The following LRRTM3 variants were observed in gnomAD, a reference collection of about 807,000 sequenced individuals.
The protein encoded by LRRTM3 is leucine rich repeat transmembrane neuronal 3.
A neutral mutation model predicts 44.7 loss-of-function variants in LRRTM3; 24 were observed. The ratio of observed to expected loss-of-function variants is 0.54; its 90% CI spans 0.39 to 0.76. The LOEUF is 0.76. Ranked by LOEUF, LRRTM3 falls within the 30% of genes least tolerant of loss-of-function variation. The pLI, the probability that LRRTM3 is intolerant of heterozygous loss-of-function variation, is 0.00. For synonymous variants in LRRTM3, 277 were observed against 278.7 expected (o/e 0.99, Z 0.06); for missense variants, 587 against 702.2 (o/e 0.84, Z 1.85).
intron 2 of LRRTM3, among the ~76,000 whole-genome samples, chr10:67,071,582 T>C (rs188015168): frequency 3.3e-5 from 5 of 152,222 alleles, no homozygotes; most frequent in Non-Finnish European, 7.4e-5. Flanking sequence ...GAAATGTCCC[T>C]ATGAATGTTT....
chr10:66,979,022 T>C (rs1850253124), intron 2 of LRRTM3, among the ~76,000 whole-genome samples: 2 of 142,800 alleles, frequency 1.4e-5, no homozygotes, highest in African/African-American at 5.2e-5. Context: ...TGGAGTGCAA[T>C]GGTGCAATCT....
intron 2 of LRRTM3, among the ~76,000 whole-genome samples, chr10:67,085,211 G>T (rs1198949475): frequency 1.3e-5 from 2 of 151,716 alleles, no homozygotes; most frequent in Non-Finnish European, 2.9e-5. Context: ...AACTTGTTTT[G>T]ATCAAAGCCA....
chr10:67,029,872 C>G (rs181675614), intron 2 of LRRTM3, among the ~76,000 whole-genome samples: 98 of 152,250 alleles, frequency 6.4e-4, no homozygotes, highest in African/African-American at 2.1e-3. Flanking sequence ...TAAATAGACA[C>G]GTGTGGCTAC....
Position 66,927,123 on chromosome 10 carries a change from C to T in LRRTM3, c.207C>T (p.Arg69=). The T allele has an allele frequency of 1.9e-6, 3 of 1,614,136 alleles. No individual in the cohort carries two copies. Among genetic ancestry groups the T allele is most frequent in the Non-Finnish European group, 2.5e-6 (3 of 1,180,024 alleles). Residue 69 remains arginine, a synonymous_variant, in exon 2 of 3, where the codon CGC becomes CGT. Transcript: ENST00000361320. This position sits in a 1 kb window ranked among gnomAD's most constrained non-coding sequence, Gnocchi z 4.7. ...ISAGCLGLSL[R]YNSLQKLKYN... ...CTGGTTGCTTAGGTTTGTCCCTTCG[C>T]TATAACAGCCTTCAAAAACTTAAGT...
chr10:67,063,527 G>T (rs1855886077), intron 2 of LRRTM3, among the ~76,000 whole-genome samples: 1 of 152,196 alleles, frequency 6.6e-6, no homozygotes, highest in Non-Finnish European at 1.5e-5. Context: ...GACCTACCAG[G>T]TTTAAATGGG....
chr10:66,927,676 T>C lies in LRRTM3; in HGVS notation c.760T>C (p.Ser254Pro), dbSNP rs1847151891. 6.2e-7 allele frequency: 1 copy of C among 1,614,038 alleles called. No individual in the cohort carries two copies. Among genetic ancestry groups the C allele is most frequent in the Non-Finnish European group, 8.5e-7 (1 of 1,180,040 alleles). ...IGQTMSWTWSSLQRLDLSGNE... is the reference protein window; with the variant it reads ...IGQTMSWTWSPLQRLDLSGNE... ...ACAGACCATGTCCTGGACCTGGAGC[T>C]CCTTACAAAGGCTTGATTTATCAGG... Residue 254 changes from serine (S) to proline (P), a missense_variant, in exon 2 of 3, where the codon TCC becomes CCC. Around this residue, in one of 3 missense-constraint regions of LRRTM3, gnomAD observed 222 missense variants for 323.3 expected, o/e 0.69. Coordinates refer to ENST00000361320, the MANE Select transcript of LRRTM3 (RefSeq NM_178011.5). This position sits in a 1 kb window ranked among gnomAD's most constrained non-coding sequence, Gnocchi z 4.7.
intron 2 of LRRTM3, among the ~76,000 whole-genome samples, chr10:67,045,736 C>T (rs1224830804): frequency 6.6e-6 from 1 of 152,054 alleles, no homozygotes; most frequent in African/African-American, 2.4e-5. Context: ...CAGCCAAGGC[C>T]CCCCTCTGTT....
At chr10:67,026,678 A>G (rs997540619) in intron 2 of LRRTM3, among the ~76,000 whole-genome samples, 1 of 152,144 alleles carries the variant, frequency 6.6e-6, no homozygotes, top group African/African-American at 2.4e-5. Flanking sequence ...TTCATAAAGC[A>G]TCTCTTTCAG....
chr10:67,057,037 A>T (rs1855476834), intron 2 of LRRTM3, among the ~76,000 whole-genome samples: 2 of 152,218 alleles, frequency 1.3e-5, no homozygotes, highest in African/African-American at 4.8e-5. Flanking sequence ...CTACATCAGC[A>T]ATTCTGCCTC....
chr10:66,998,501 G>C (rs1030307577), intron 2 of LRRTM3, among the ~76,000 whole-genome samples: 1 of 151,888 alleles, frequency 6.6e-6, no homozygotes, highest in Non-Finnish European at 1.5e-5. Context: ...CTTTTTGCAA[G>C]ACACACAAAT....
chr10:67,072,171 C>G (rs1381169408), intron 2 of LRRTM3, among the ~76,000 whole-genome samples: 1 of 152,162 alleles, frequency 6.6e-6, no homozygotes, highest in Non-Finnish European at 1.5e-5. Context: ...TCAGGCTGGT[C>G]TCGAACTGCT....
intron 2 of LRRTM3, among the ~76,000 whole-genome samples, chr10:67,002,994 G>T (rs1851770480): frequency 6.6e-6 from 1 of 152,060 alleles, no homozygotes; most frequent in Non-Finnish European, 1.5e-5. Flanking sequence ...TTCATCAGAT[G>T]CAGTATTGCT....
At chr10:67,088,263 A>C (rs1267438830) in intron 2 of LRRTM3, among the ~76,000 whole-genome samples, 1 of 151,644 alleles carries the variant, frequency 6.6e-6, no homozygotes, top group African/African-American at 2.4e-5. Flanking sequence ...GGCCCAGAGA[A>C]GGCATTCAGC....
At chr10:67,017,832 C>G (rs1251583739) in intron 2 of LRRTM3, among the ~76,000 whole-genome samples, 1 of 152,000 alleles carries the variant, frequency 6.6e-6, no homozygotes, top group Non-Finnish European at 1.5e-5. Flanking sequence ...TATAGTGGCC[C>G]AATCTCGGCT....
rs1261079301 is a variant in LRRTM3, at chr10:66,953,807, G to A, written c.1536+25355G>A. Among the ~76,000 whole-genome samples the A allele has an allele frequency of 3.3e-5, 5 of 151,932 alleles. No homozygotes were observed. In the East Asian group the frequency reaches 9.6e-4, roughly 29 times the overall value. ...TTATTTTTTTAAAAATTAGCCCAAG[G>A]CTTTGTAGGCCAGGTTCTAGAGACA... On this transcript the variant is annotated intron_variant, in intron 2 of 2. Coordinates refer to ENST00000361320, the MANE Select transcript of LRRTM3 (RefSeq NM_178011.5).
chr10:67,021,957 A>G (rs895786298), intron 2 of LRRTM3, among the ~76,000 whole-genome samples: 1 of 152,166 alleles, frequency 6.6e-6, no homozygotes, highest in African/African-American at 2.4e-5. Context: ...AGTAAACTAA[A>G]AAGGTTTATT....
chr10:67,085,624 CAT>C (rs1242558934), intron 2 of LRRTM3, among the ~76,000 whole-genome samples: 2 of 151,902 alleles, frequency 1.3e-5, no homozygotes, highest in Admixed American at 1.3e-4. Flanking sequence ...ATGTTTGTGT[CAT>C]ATAAAAATTT....
At chr10:67,069,643 T>A (rs1441144060) in intron 2 of LRRTM3, among the ~76,000 whole-genome samples, 1 of 149,070 alleles carries the variant, frequency 6.7e-6, no homozygotes, top group East Asian at 2.0e-4. Flanking sequence ...GTTCTGTCTG[T>A]TTTTGAAATG....
At chr10:67,051,699 C>T (rs1301639520) in intron 2 of LRRTM3, among the ~76,000 whole-genome samples, 6 of 146,176 alleles carry the variant, frequency 4.1e-5, no homozygotes, top group Admixed American at 6.8e-5. Flanking sequence ...CCACTGCACT[C>T]GGCCCACACA....
Sources: allele counts gnomAD v4.1 joint callset (sites outside exome capture counted in the v4.1 genomes callset), GRCh38; gene constraint gnomAD v4.1.1; regional missense constraint gnomAD v4.1.1; non-coding constraint Gnocchi (gnomAD v3.1); transcripts MANE v1.5; gene names NCBI Gene and HGNC (gene_info 2026-07-23, HGNC 2026-07-21).